The following HDAC4 variants were observed in gnomAD, a reference collection of about 807,000 sequenced individuals.
HDAC4 encodes histone deacetylase 4, also known as histone deacetylase A.
A neutral mutation model predicts 135.1 loss-of-function variants in HDAC4; 16 were observed. The observed-to-expected ratio is 0.12, with a 90% CI of 0.08 to 0.18. The LOEUF (loss-of-function observed/expected upper bound fraction) is 0.18, where lower values mean the gene tolerates loss of function less well. Ranked by LOEUF, HDAC4 falls within the 10% of genes least tolerant of loss-of-function variation. The pLI is 1.00. For synonymous variants in HDAC4, 685 were observed against 653.4 expected, an observed-to-expected ratio of 1.05 and a Z score of -0.74; for missense variants, 1,143 against 1,511.8, an observed-to-expected ratio of 0.76 and a Z score of 4.05.
At chr2:239,362,241 T>C (rs1693913141) in intron 1 of HDAC4, among the ~76,000 whole-genome samples, 1 of 152,194 alleles carries the variant, frequency 6.6e-6, no homozygotes, top group African/African-American at 2.4e-5. Flanking sequence ...ATCTCTCTCT[T>C]TTCATTTCTG....
intron 2 of HDAC4, among the ~76,000 whole-genome samples, chr2:239,253,073 C>T (rs548339625): frequency 3.3e-5 from 5 of 152,194 alleles, no homozygotes; most frequent in African/African-American, 9.7e-5. Flanking sequence ...ACTTCATACG[C>T]GGCATTAAGC....
intron 2 of HDAC4, among the ~76,000 whole-genome samples, chr2:239,348,979 C>T (rs1015984270): frequency 2.6e-5 from 4 of 152,218 alleles, no homozygotes; most frequent in African/African-American, 9.6e-5. Flanking sequence ...AGGAAAGCCA[C>T]ACACACTGCA....
chr2:239,281,795 C>T (rs1261288101), intron 2 of HDAC4, among the ~76,000 whole-genome samples: 1 of 150,078 alleles, frequency 6.7e-6, no homozygotes, highest in East Asian at 2.0e-4. Flanking sequence ...AATATATACA[C>T]CACTCTACAA....
At chr2:239,326,530 TACC>T (rs746297551) in intron 2 of HDAC4, among the ~76,000 whole-genome samples, 2 of 152,324 alleles carry the variant, frequency 1.3e-5, no homozygotes, top group South Asian at 2.1e-4. Context: ...ATGTATATTT[TACC>T]ACAATAAAAA....
intron 9 of HDAC4, among the ~76,000 whole-genome samples, chr2:239,136,649 G>C (rs2040977474): frequency 6.6e-6 from 1 of 152,316 alleles, no homozygotes; most frequent in African/African-American, 2.4e-5. Flanking sequence ...TCCGACAAGG[G>C]AGCAGTATCC....
intron 12 of HDAC4, among the ~76,000 whole-genome samples, chr2:239,122,552 G>C (rs2039784416): frequency 6.6e-6 from 1 of 152,226 alleles, no homozygotes; most frequent in South Asian, 2.1e-4. Context: ...ACGGGCAACA[G>C]AAGCTGACAC....
intron 3 of HDAC4, among the ~76,000 whole-genome samples, chr2:239,190,284 A>G (rs1464309485): frequency 1.3e-5 from 2 of 151,852 alleles, no homozygotes; most frequent in Admixed American, 6.6e-5. Flanking sequence ...CCCATTCCTC[A>G]AGGGCAAAAA....
chr2:239,090,634 C>T (rs111929279), intron 17 of HDAC4, among the ~76,000 whole-genome samples: 71 of 142,658 alleles, frequency 5.0e-4, no homozygotes, highest in African/African-American at 1.7e-3. Context: ...CACAGTGAGG[C>T]TCTGTCTCCA....
At chr2:239,149,745 G>A (rs543805003) in intron 7 of HDAC4, among the ~76,000 whole-genome samples, 328 of 152,126 alleles carry the variant, frequency 2.2e-3, no homozygotes, top group Non-Finnish European at 3.5e-3. Flanking sequence ...AGCCATGCCC[G>A]CCCTTGACTG....
At chr2:239,302,888 G>A (rs757678659) in intron 2 of HDAC4, among the ~76,000 whole-genome samples, 1 of 152,248 alleles carries the variant, frequency 6.6e-6, no homozygotes, top group African/African-American at 2.4e-5. Context: ...CTTGCTGGGC[G>A]TGCGGGGAAT....
intron 24 of HDAC4, among the ~76,000 whole-genome samples, 167 bp from the exon 25 acceptor site, chr2:239,055,000 T>TTTA (rs898260913): frequency 1.3e-4 from 15 of 117,140 alleles, no homozygotes; most frequent in African/African-American, 5.3e-4. Flanking sequence ...TGCCGTGGTA[T>TTTA]TTATAATTTT....
At chr2:239,384,999 A>T (rs929780195) in intron 1 of HDAC4, among the ~76,000 whole-genome samples, 5 of 152,168 alleles carry the variant, frequency 3.3e-5, no homozygotes, top group Non-Finnish European at 7.4e-5. Flanking sequence ...ATACAGGAGA[A>T]CAGAACTGCG....
chr2:239,300,421 G>A (rs1559343994), intron 2 of HDAC4, among the ~76,000 whole-genome samples: 1 of 152,186 alleles, frequency 6.6e-6, no homozygotes, highest in Non-Finnish European at 1.5e-5. Flanking sequence ...CTGCTGACAA[G>A]CTCAACAGTC....
intron 2 of HDAC4, among the ~76,000 whole-genome samples, chr2:239,321,053 T>C (rs2053290961): frequency 6.6e-6 from 1 of 152,228 alleles, no homozygotes; most frequent in African/African-American, 2.4e-5. Context: ...TGTTATTTTC[T>C]TTTCCCCAAT....
chr2:239,082,180 G>A lies in HDAC4; in HGVS notation c.2574C>T (p.Ser858=), dbSNP rs202164452. 8.1e-6 allele frequency: 13 copies of A among 1,613,998 alleles called. No homozygotes were observed. Among genetic ancestry groups the A allele is most frequent in the East Asian group, 2.2e-5 (1 of 44,874 alleles). The change falls in exon 21 of 27, where the codon AGC becomes AGT. Residue 858 remains serine, a synonymous_variant. Coordinates refer to ENST00000543185, the MANE Select transcript of HDAC4 (RefSeq NM_001378414.1). The stretch of plus-strand genomic sequence containing the variant: ...GGGACATGTACAGGACGCTGGGGTC[G>A]CTGTAGAAAGCCTGCTGGGTCCCGT... The part of the protein sequence containing the change: ...HGNGTQQAFY[S]DPSVLYMSLH...
intron 7 of HDAC4, 80 bp downstream of exon 7, chr2:239,156,572 C>T (rs140073384): frequency 1.5e-4 from 241 of 1,558,522 alleles, no homozygotes; most frequent in Middle Eastern, 3.4e-4. Context: ...TGGAAGACAG[C>T]GGTGGGCCCT....
At chr2:239,368,654 C>T (rs900363773) in intron 1 of HDAC4, among the ~76,000 whole-genome samples, 1 of 152,116 alleles carries the variant, frequency 6.6e-6, no homozygotes, top group Non-Finnish European at 1.5e-5. Context: ...TGGTCAGGAC[C>T]GTCCTCTCCA....
chr2:239,205,749 A>C (rs1190855123), intron 3 of HDAC4, among the ~76,000 whole-genome samples: 3 of 152,094 alleles, frequency 2.0e-5, no homozygotes, highest in Admixed American at 2.0e-4. Context: ...GGAAGAAGGA[A>C]GAAGTTTACC....
chr2:239,264,454 G>A (rs537888129), intron 2 of HDAC4, among the ~76,000 whole-genome samples: 16 of 152,376 alleles, frequency 1.1e-4, no homozygotes, highest in African/African-American at 3.4e-4. Flanking sequence ...CATGAAGGTC[G>A]CTGGGCAGAT....
Sources: allele counts gnomAD v4.1 joint callset (sites outside exome capture counted in the v4.1 genomes callset), GRCh38; gene constraint gnomAD v4.1.1; transcripts MANE v1.5; gene names NCBI Gene and HGNC (gene_info 2026-07-23, HGNC 2026-07-21).